KCNQ2: variants seen among roughly 807,000 people sequenced by gnomAD.
KCNQ2 encodes the protein potassium voltage-gated channel subfamily KQT member 2.
A neutral mutation model predicts 84.8 loss-of-function variants in KCNQ2; 14 were observed. That is an observed-to-expected ratio of 0.17 (90% CI 0.11 to 0.26). The LOEUF (loss-of-function observed/expected upper bound fraction) is 0.26. KCNQ2 is among the 10% of genes least tolerant of loss of function. The probability of loss-of-function intolerance (pLI) is 1.00; values close to 1 mark genes in which losing one functional copy is unlikely to be tolerated. For missense variants in KCNQ2, 788 were observed against 1,254.0 expected (o/e 0.63, Z 5.61); for synonymous variants, 599 against 554.1 (o/e 1.08, Z -1.14).
chr20:63,414,938 C>T lies in KCNQ2; in HGVS notation c.1490G>A (p.Arg497His), dbSNP rs769414365. Residue 497 changes from arginine (R) to histidine (H), a missense_variant, in exon 13 of 17, where the codon CGC (arginine) becomes CAC (histidine). Transcript: ENST00000359125. The surrounding 1 kb of genome is among the most constrained non-coding windows in gnomAD (Gnocchi z 6.6). ...GDRSRARQAF[R>H]IKGAASRQNS... ...CTGCCGTGACGCGGCACCCTTGATG[C>T]GGAAAGCCTGGCGTGCCCGGCTGCG... 3.1e-6 allele frequency: 5 copies of T among 1,612,726 alleles called. No homozygotes were observed. Among genetic ancestry groups the T allele is most frequent in the Non-Finnish European group, 4.2e-6 (5 of 1,179,942 alleles).
intron 12 of KCNQ2, among the ~76,000 whole-genome samples, chr20:63,418,004 C>G (rs928414500): frequency 6.6e-6 from 1 of 152,174 alleles, no homozygotes; most frequent in African/African-American, 2.4e-5. Flanking sequence ...GAGGCTCTGC[C>G]AGGAAGAGGA....
In KCNQ2 at chr20:63,460,497, G is replaced by A. The variant is rs993692703; in HGVS notation, c.296+11671C>T. Among the ~76,000 whole-genome samples, 3 of 151,322 alleles carry A rather than the reference G, an allele frequency of 2.0e-5. No homozygotes were observed. Among genetic ancestry groups the A allele is most frequent in the Admixed American group, 6.6e-5 (1 of 15,228 alleles). On this transcript the variant is annotated intron_variant, in intron 1 of 16. Transcript: ENST00000359125. This position sits in a 1 kb window ranked among gnomAD's most constrained non-coding sequence, Gnocchi z 5.4. The stretch of plus-strand genomic sequence containing the variant: ...CCACGCCTAACCCCCTCCCAAGCAG[G>A]CCAGTGCCCTCAGCTGGTCCACGGC...
At chr20:63,435,384 T>C (rs1600738038) in intron 7 of KCNQ2, among the ~76,000 whole-genome samples, 1 of 87,850 alleles carries the variant, frequency 1.1e-5, no homozygotes. Context: ...CAAGTCCCTA[T>C]CTCAACAACA....
intron 1 of KCNQ2, among the ~76,000 whole-genome samples, chr20:63,454,154 G>A (rs1187376244): frequency 6.6e-6 from 1 of 152,144 alleles, no homozygotes. Flanking sequence ...AGAATTCAGG[G>A]AGATGAATCT....
intron 8 of KCNQ2, chr20:63,433,542 T>C: frequency 7.7e-6 from 5 of 648,698 alleles, no homozygotes; most frequent in East Asian, 5.5e-5. Flanking sequence ...GGGAGCGTCC[T>C]TGCAACGCAC....
In KCNQ2 at chr20:63,445,763, G is replaced by A. The variant is rs78423420; in HGVS notation, c.388-399C>T. ...CTGGGAGGCCCTGTCTGAGCTGGGG[G>A]ACCCTGTCTGAGCTGGGGGACCCTG... On this transcript the variant is annotated intron_variant, in intron 2 of 16. Coordinates refer to ENST00000359125, the MANE Select transcript of KCNQ2 (RefSeq NM_172107.4). Among the ~76,000 whole-genome samples, 24 of 149,146 alleles carry A rather than the reference G, an allele frequency of 1.6e-4. 1 individual carries two copies. Among genetic ancestry groups the A allele is most frequent in the Admixed American group, 2.0e-4 (3 of 14,990 alleles).
chr20:63,415,048 G>C lies in KCNQ2; in HGVS notation c.1380C>G (p.Ala460=). Residue 460 remains alanine (A), a synonymous_variant, in exon 13 of 17, where the codon GCC becomes GCG. Transcript: ENST00000359125. ...CGCTGGGTGACCGCCTCACAGTCTGGGCCTGCGGGGACCCCTTCCCCTTGG... is the reference window on the plus strand; with the variant it reads ...CGCTGGGTGACCGCCTCACAGTCTGCGCCTGCGGGGACCCCTTCCCCTTGG... ...VAAKGKGSPQ[A]QTVRRSPSAD... is the part of the protein sequence containing the mutation. The C allele has an allele frequency of 3.1e-6, 5 of 1,608,350 alleles. No homozygotes were observed. The highest frequency in any genetic ancestry group is 4.2e-6 in the Non-Finnish European group (5 of 1,179,910).
chr20:63,441,080 G>A (rs981012959), intron 5 of KCNQ2, among the ~76,000 whole-genome samples: 1 of 312 alleles, frequency 3.2e-3, no homozygotes, highest in South Asian at 0.071. Flanking sequence ...CCATTCTCCT[G>A]CCTCAGCCTC....
Position 63,406,390 on chromosome 20 carries a change from A to C in KCNQ2, c.*254T>G. On this transcript the variant is annotated 3_prime_UTR_variant, in exon 17 of 17. Transcript: ENST00000359125. ...CGGCCCTGAGCAGAGTGGACAGGGC[A>C]GCCTTGCTCCTGCACGCTGCTCCTG... 2 of 525,850 alleles carry C rather than the reference A, an allele frequency of 3.8e-6. No homozygotes were observed. The highest frequency in any genetic ancestry group is 3.3e-5 in the East Asian group (1 of 30,642). 32.6% of individuals were successfully genotyped at this position (525,850 alleles called of 1,614,324 possible).
At chr20:63,442,291 G>T in intron 5 of KCNQ2, 115 bp downstream of exon 5, 1 of 1,270,850 alleles carries the variant, frequency 7.9e-7, no homozygotes, top group Non-Finnish European at 1.1e-6. Context: ...CGGGCAGCCA[G>T]CAGGTGGCCC....
At position 63,408,581 on chromosome 20, in the gene KCNQ2, G is replaced by A; in HGVS notation, c.1764-45C>T. The stretch of plus-strand genomic sequence containing the variant: ...CAAAGCATGAGTTCGGGTGGGTGCA[G>A]CAGGGCCCCTGCCCTCTCCTCCTGG... On this transcript the variant is annotated intron_variant, in intron 15 of 16. Coordinates refer to ENST00000359125, the MANE Select transcript of KCNQ2 (RefSeq NM_172107.4). The surrounding 1 kb of genome is among the most constrained non-coding windows in gnomAD (Gnocchi z 5.0). 1.9e-6 allele frequency: 3 copies of A among 1,602,912 alleles called. No individual in the cohort carries two copies. The highest frequency in any genetic ancestry group is 2.5e-6 in the Non-Finnish European group (3 of 1,176,762).
rs573214661 is a variant in KCNQ2 at position 63,456,387 on chromosome 20, G to A, written c.297-9550C>T. On this transcript the variant is annotated intron_variant, in intron 1 of 16. Coordinates refer to ENST00000359125, the MANE Select transcript of KCNQ2 (RefSeq NM_172107.4). ...CCCACAGCCAGCCCCCTCGCTCTGCGACTCTGGATCCTCCAGTCAGGCCCC... is the reference window on the plus strand; with the variant it reads ...CCCACAGCCAGCCCCCTCGCTCTGCAACTCTGGATCCTCCAGTCAGGCCCC... 1.1e-3 allele frequency among the ~76,000 whole-genome samples: 164 copies of A among 152,308 alleles called. 2 individuals carry two copies. The South Asian group carries it at 0.013, about 12-fold the overall frequency.
chr20:63,451,418 C>A (rs528574050), intron 1 of KCNQ2, among the ~76,000 whole-genome samples: 1 of 152,134 alleles, frequency 6.6e-6, no homozygotes, highest in Non-Finnish European at 1.5e-5. Flanking sequence ...CAACACTGAC[C>A]AACATGGAGT....
intron 1 of KCNQ2, among the ~76,000 whole-genome samples, chr20:63,457,694 C>T (rs978485702): frequency 2.9e-4 from 44 of 152,334 alleles, no homozygotes; most frequent in Middle Eastern, 3.4e-3. Context: ...TAACCACTCC[C>T]GCAGCAGACG....
intron 1 of KCNQ2, chr20:63,463,819 C>G (rs868444529): frequency 6.6e-6 from 1 of 152,252 alleles, no homozygotes; most frequent in African/African-American, 2.4e-5. Context: ...CGGGGGCAGA[C>G]AGAGGCAGCA....
At chr20:63,431,505 T>A in intron 8 of KCNQ2, 136 bp from the exon 9 acceptor site, 4 of 977,492 alleles carry the variant, frequency 4.1e-6, no homozygotes, top group Non-Finnish European at 6.5e-6. Context: ...GCACAAGGGC[T>A]GGTTCTGTCC....
At chr20:63,435,716 G>A (rs1288594354) in intron 7 of KCNQ2, among the ~76,000 whole-genome samples, 1 of 152,226 alleles carries the variant, frequency 6.6e-6, no homozygotes, top group Non-Finnish European at 1.5e-5. Flanking sequence ...GATGCTCTAG[G>A]AAGAACACTG....
intron 14 of KCNQ2, 119 bp from the exon 15 acceptor site, chr20:63,413,700 TG>T: frequency 8.9e-7 from 1 of 1,129,640 alleles, no homozygotes; most frequent in Non-Finnish European, 1.3e-6. Context: ...TTGCCCCTCT[TG>T]TCTGCCGCCC....
At chr20:63,469,165 C>T (rs910529231) in intron 1 of KCNQ2, among the ~76,000 whole-genome samples, 1 of 152,196 alleles carries the variant, frequency 6.6e-6, no homozygotes, top group South Asian at 2.1e-4. Context: ...CCGAAGGGCC[C>T]CCCATGGTGA....
Sources: gnomAD v4.1 joint callset for allele counts (sites outside exome capture counted in the v4.1 genomes callset) on GRCh38, gnomAD v4.1.1 for gene constraint, Gnocchi (gnomAD v3.1) non-coding constraint, MANE v1.5 for transcripts, NCBI Gene and HGNC (gene_info 2026-07-23, HGNC 2026-07-21) for gene names.